The following FMNL2 variants were observed in gnomAD, a reference collection of about 807,000 sequenced individuals.
FMNL2 encodes formin like 2, also known as formin-like protein 2.
A neutral mutation model predicts 130.2 loss-of-function variants in FMNL2; 51 were observed. The observed-to-expected ratio is 0.39, with a 90% CI of 0.31 to 0.49. The LOEUF is 0.49. Ranked by LOEUF, FMNL2 falls within the 20% of genes least tolerant of loss-of-function variation. The pLI is 0.85. For synonymous variants in FMNL2, 465 were observed against 467.1 expected (o/e 1.00, Z 0.06); for missense variants, 977 against 1,316.2 (o/e 0.74, Z 3.99).
At position 152,529,891 on chromosome 2, in the gene FMNL2, G is replaced by A. The variant is rs1579891541; in HGVS notation, c.201+7865G>A. 2.0e-5 allele frequency among the ~76,000 whole-genome samples: 3 copies of A among 152,216 alleles called. No individual in the cohort carries two copies. The South Asian group carries it at 6.2e-4, about 31-fold the overall frequency. On this transcript the variant is annotated intron_variant, in intron 2 of 25. Coordinates refer to ENST00000288670, the MANE Select transcript of FMNL2 (RefSeq NM_052905.4). ...AAATGCTGTTTGGTATTCGTTGCCA[G>A]AGCTAGACATCAAGGGCTTAGTCTC...
At chr2:152,391,803 C>T (rs1345252787) in intron 1 of FMNL2, among the ~76,000 whole-genome samples, 4 of 149,420 alleles carry the variant, frequency 2.7e-5, no homozygotes, top group African/African-American at 9.8e-5. Flanking sequence ...TTCTAGACTC[C>T]TAAACTCTAT....
intron 6 of FMNL2, among the ~76,000 whole-genome samples, chr2:152,570,690 G>A (rs1341678253): frequency 6.6e-6 from 1 of 152,088 alleles, no homozygotes; most frequent in Non-Finnish European, 1.5e-5. Flanking sequence ...ACATCTCAGG[G>A]AACCTTCCCC....
At chr2:152,385,179 C>T (rs936973872) in intron 1 of FMNL2, among the ~76,000 whole-genome samples, 4 of 152,210 alleles carry the variant, frequency 2.6e-5, no homozygotes, top group African/African-American at 7.2e-5. Flanking sequence ...AACCATGAAG[C>T]AACTCTTTTT....
At chr2:152,357,021 GAT>G (rs1251823035) in intron 1 of FMNL2, among the ~76,000 whole-genome samples, 1 of 128,994 alleles carries the variant, frequency 7.8e-6, no homozygotes, top group African/African-American at 2.7e-5. Flanking sequence ...AATATATAAT[GAT>G]AAATATTACA....
chr2:152,558,526 G>T (rs1272107785), intron 4 of FMNL2, among the ~76,000 whole-genome samples: 1 of 152,078 alleles, frequency 6.6e-6, no homozygotes, highest in South Asian at 2.1e-4. Flanking sequence ...GTACTTTTTG[G>T]CCCTTATTTT....
intron 25 of FMNL2, among the ~76,000 whole-genome samples, chr2:152,646,343 A>C (rs916440266): frequency 1.0e-3 from 155 of 150,470 alleles, no homozygotes; most frequent in African/African-American, 3.1e-3. Flanking sequence ...ACCCCCGCCC[A>C]CCCCCCCAGA....
intron 9 of FMNL2, among the ~76,000 whole-genome samples, chr2:152,581,612 C>T (rs963048624): frequency 1.3e-5 from 2 of 151,816 alleles, no homozygotes; most frequent in Admixed American, 6.6e-5. Flanking sequence ...CCTGCCCCAG[C>T]GTATCCAAAC....
At chr2:152,592,571 T>C (rs1308608460) in intron 9 of FMNL2, among the ~76,000 whole-genome samples, 1 of 152,210 alleles carries the variant, frequency 6.6e-6, no homozygotes, top group African/African-American at 2.4e-5. Flanking sequence ...TAAAAAGGCA[T>C]ATACATATGC....
intron 1 of FMNL2, among the ~76,000 whole-genome samples, chr2:152,398,548 A>AT (rs1457309284): frequency 1.3e-5 from 2 of 152,184 alleles, no homozygotes; most frequent in South Asian, 2.1e-4. Flanking sequence ...CATTCAACTG[A>AT]TTTTTTGAGC....
rs550324455 is a variant in FMNL2, at chr2:152,355,874, C to T, written c.117+20154C>T. ...AAAATAGTCCCAGCATTACAGAATACTAGGTTAGAATACATACCCAAATAA... is the reference window on the plus strand; with the variant it reads ...AAAATAGTCCCAGCATTACAGAATATTAGGTTAGAATACATACCCAAATAA... On this transcript the variant is annotated intron_variant, in intron 1 of 25. Transcript: ENST00000288670. Among the ~76,000 whole-genome samples, 6 of 152,276 alleles carry T rather than the reference C, an allele frequency of 3.9e-5. No individual in the cohort carries two copies. The East Asian group carries it at 1.2e-3, about 29-fold the overall frequency.
intron 1 of FMNL2, among the ~76,000 whole-genome samples, chr2:152,350,914 G>A (rs1219800712): frequency 5.9e-5 from 9 of 152,170 alleles, no homozygotes; most frequent in African/African-American, 1.4e-4. Flanking sequence ...GTATGGTGGC[G>A]CGCACTTGTA....
At position 152,335,233 on chromosome 2, in the gene FMNL2, A is replaced by C. The variant is rs1020199272; in HGVS notation, c.-371A>C. 2 of 156,834 alleles carry C rather than the reference A, an allele frequency of 1.3e-5. No individual in the cohort carries two copies. Among genetic ancestry groups the C allele is most frequent in the Admixed American group, 1.3e-4 (2 of 15,352 alleles). 9.7% of individuals were successfully genotyped at this position (156,834 alleles called of 1,614,324 possible). On this transcript the variant is annotated 5_prime_UTR_variant, in exon 1 of 26. Transcript: ENST00000288670. ...GTGGCCGGCTAGGGCTGGAAGTGTC[A>C]GCGGCGGCCGCGGGCCCGGCAGAAG...
At chr2:152,471,646 T>C (rs2105183584) in intron 1 of FMNL2, among the ~76,000 whole-genome samples, 1 of 152,234 alleles carries the variant, frequency 6.6e-6, no homozygotes, top group Admixed American at 6.5e-5. Context: ...ACTTTTAACC[T>C]TGGCTTCTCA....
In FMNL2 at chr2:152,414,998, C is replaced by G. The variant is rs142923915; in HGVS notation, c.117+79278C>G. ...TATGTGTGGGAAGGTCCCTGAGTTC[C>G]TCTTGGACTTATCAAAATATCACAA... On this transcript the variant is annotated intron_variant, in intron 1 of 25. Transcript: ENST00000288670. Among the ~76,000 whole-genome samples, 133 of 152,174 alleles carry G rather than the reference C, an allele frequency of 8.7e-4. 1 individual carries two copies. Among genetic ancestry groups the G allele is most frequent in the African/African-American group, 3.2e-3 (131 of 41,524 alleles).
Position 152,619,552 on chromosome 2 carries a change from G to GCCACCCCCCCCCCCCCCCCC in FMNL2, c.1673_1674insACCCCCCCCCCCCCCCCCCC (p.Pro566LeufsTer29). On this transcript the variant is annotated frameshift_variant, in exon 15 of 26. Coordinates refer to ENST00000288670, the MANE Select transcript of FMNL2 (RefSeq NM_052905.4). LOFTEE classifies it high-confidence loss of function. ...CACCACCTATGCCACCGCCGCCGCC[G>GCCACCCCCCCCCCCCCCCCC]CCCCCTCCTCCACCTCCTCCTCCCC... The GCCACCCCCCCCCCCCCCCCC allele has an allele frequency of 2.8e-6, 4 of 1,417,656 alleles. No individual in the cohort carries two copies. Among genetic ancestry groups the GCCACCCCCCCCCCCCCCCCC allele is most frequent in the South Asian group, 1.3e-5 (1 of 79,012 alleles). The allele number at this position is 1,417,656 out of a possible 1,614,324, so 87.8% of individuals were successfully genotyped here.
intron 14 of FMNL2, 127 bp from the exon 15 acceptor site, chr2:152,619,380 TGG>T: frequency 1.4e-6 from 2 of 1,425,108 alleles, no homozygotes; most frequent in Admixed American, 5.4e-5. Flanking sequence ...GGACATTTTT[TGG>T]TTTTTGAAAA....
chr2:152,558,069 G>A (rs770854393), intron 4 of FMNL2, among the ~76,000 whole-genome samples: 3 of 152,176 alleles, frequency 2.0e-5, no homozygotes, highest in Non-Finnish European at 2.9e-5. Flanking sequence ...GCACTGTGGA[G>A]CACCATTCAA....
At chr2:152,557,542 T>C (rs561784829) in intron 4 of FMNL2, among the ~76,000 whole-genome samples, 3 of 152,278 alleles carry the variant, frequency 2.0e-5, no homozygotes, top group Admixed American at 2.0e-4. Flanking sequence ...GAAGAAAGAA[T>C]GACCTTGAGG....
At position 152,621,310 on chromosome 2, in the gene FMNL2, G is replaced by A. The variant is rs182613229; in HGVS notation, c.1837+1592G>A. On this transcript the variant is annotated intron_variant, in intron 15 of 25. Coordinates refer to ENST00000288670, the MANE Select transcript of FMNL2 (RefSeq NM_052905.4). ...CATAGACCTCAGAACCGCCTTAGCC[G>A]AGTGAGAGCCCAGAGGCTGAGATGT... 7.2e-5 allele frequency among the ~76,000 whole-genome samples: 11 copies of A among 152,318 alleles called. No individual in the cohort carries two copies. The East Asian group carries it at 1.5e-3, about 21-fold the overall frequency.
Sources: allele counts gnomAD v4.1 joint callset (sites outside exome capture counted in the v4.1 genomes callset), GRCh38; gene constraint gnomAD v4.1.1; transcripts MANE v1.5; gene names NCBI Gene and HGNC (gene_info 2026-07-23, HGNC 2026-07-21).